Variants in THADA observed in about 807,000 individuals in gnomAD.
THADA encodes THADA armadillo repeat containing.
Under a neutral mutation model 219.8 loss-of-function variants are expected in THADA, and 213 were observed. The ratio of observed to expected loss-of-function variants is 0.97; its 90% confidence interval spans 0.87 to 1.09. The LOEUF is 1.09. Ranked by LOEUF, THADA falls within the 50% of genes least tolerant of loss-of-function variation. The pLI, the probability that THADA is intolerant of heterozygous loss-of-function variation, is 0.00. For missense variants in THADA, 2,956 were observed against 2,311.3 expected, an observed-to-expected ratio of 1.28 and a Z score of -5.72; for synonymous variants, 1,018 against 828.9, an observed-to-expected ratio of 1.23 and a Z score of -3.92.
intron 30 of THADA, among the ~76,000 whole-genome samples, chr2:43,331,630 T>C (rs959856612): frequency 6.6e-6 from 1 of 152,162 alleles, no homozygotes; most frequent in East Asian, 1.9e-4. Flanking sequence ...CACTGGCCCA[T>C]GATACATCAC....
At chr2:43,517,719 C>G (rs1037521694) in intron 22 of THADA, among the ~76,000 whole-genome samples, 7 of 152,122 alleles carry the variant, frequency 4.6e-5, no homozygotes, top group Non-Finnish European at 8.8e-5. Context: ...TTGAAGTTAC[C>G]TACTAGGGTC....
intron 22 of THADA, among the ~76,000 whole-genome samples, chr2:43,510,027 G>C (rs1181078995): frequency 6.6e-6 from 1 of 152,114 alleles, no homozygotes; most frequent in East Asian, 1.9e-4. Flanking sequence ...TGTGAACCTT[G>C]CTTAGATCTT....
intron 30 of THADA, chr2:43,333,345 G>A (rs559185207): frequency 1.3e-5 from 2 of 152,210 alleles, no homozygotes; most frequent in East Asian, 3.9e-4. Context: ...AAATCTGCAT[G>A]AGGCTCATGT....
intron 36 of THADA, among the ~76,000 whole-genome samples, chr2:43,260,292 T>G (rs1456303694): frequency 6.6e-6 from 1 of 152,254 alleles, no homozygotes; most frequent in Non-Finnish European, 1.5e-5. Context: ...GGTGCTGATG[T>G]TCTAATTGGT....
In THADA at chr2:43,230,964, G is replaced by T. The variant is rs779072355; in HGVS notation, c.5846C>A (p.Thr1949Lys). 6 of 1,610,176 alleles carry T rather than the reference G, an allele frequency of 3.7e-6. No individual in the cohort carries two copies. The highest frequency in any genetic ancestry group is 5.1e-6 in the Non-Finnish European group (6 of 1,176,958). The stretch of plus-strand genomic sequence containing the variant: ...AGATTTTCTTCAACATGCCGCTTCT[G>T]TTCTTGGAAGAGTTAACTGCCTCGA... ...AESRQLTLPR[T>K]EAAC is the part of the protein sequence containing the mutation. The change falls in exon 38 of 38, where the codon ACA (threonine) becomes AAA (lysine). Residue 1949 changes from threonine (T) to lysine (K), a missense_variant. Coordinates refer to ENST00000405975, the MANE Select transcript of THADA (RefSeq NM_022065.5).
At chr2:43,476,981 A>G (rs1165756525) in intron 26 of THADA, among the ~76,000 whole-genome samples, 1 of 152,212 alleles carries the variant, frequency 6.6e-6, no homozygotes, top group Non-Finnish European at 1.5e-5. Context: ...ATTCAAATGT[A>G]TTGACTACCT....
At chr2:43,299,165 T>C (rs959965984) in intron 31 of THADA, among the ~76,000 whole-genome samples, 4 of 149,744 alleles carry the variant, frequency 2.7e-5, no homozygotes, top group East Asian at 1.9e-4. Context: ...AGATGTCTCA[T>C]TATATATGCA....
At chr2:43,540,769 T>C (rs964376398) in intron 21 of THADA, among the ~76,000 whole-genome samples, 2 of 152,122 alleles carry the variant, frequency 1.3e-5, no homozygotes, top group African/African-American at 2.4e-5. Flanking sequence ...GTGGGAAACA[T>C]GAGATCCATA....
At chr2:43,439,632 T>A (rs1185317012) in intron 26 of THADA, among the ~76,000 whole-genome samples, 1 of 152,260 alleles carries the variant, frequency 6.6e-6, no homozygotes, top group East Asian at 1.9e-4. Context: ...TTGTTCTATT[T>A]TATTATTAGT....
At chr2:43,479,426 A>G (rs1321991909) in intron 26 of THADA, among the ~76,000 whole-genome samples, 2 of 152,162 alleles carry the variant, frequency 1.3e-5, no homozygotes, top group Non-Finnish European at 2.9e-5. Flanking sequence ...CCTCTCAAAG[A>G]TAAAAACAAA....
intron 30 of THADA, among the ~76,000 whole-genome samples, chr2:43,339,937 AAAAT>A (rs1317790840): frequency 2.0e-5 from 3 of 152,056 alleles, no homozygotes; most frequent in South Asian, 4.1e-4. Context: ...CTAAAACTAA[AAAAT>A]AAATAAATAA....
chr2:43,286,305 T>G (rs1221065099), intron 35 of THADA, among the ~76,000 whole-genome samples: 1 of 152,170 alleles, frequency 6.6e-6, no homozygotes, highest in Non-Finnish European at 1.5e-5. Flanking sequence ...CTAAAGGGTG[T>G]TTAGGCTTTA....
At chr2:43,279,941 C>T (rs1214657124) in intron 35 of THADA, 45 bp from the exon 36 acceptor site, 1 of 1,466,200 alleles carries the variant, frequency 6.8e-7, no homozygotes, top group South Asian at 1.5e-5. Context: ...ATGCAATTAA[C>T]AGGCAGGTGC....
intron 28 of THADA, among the ~76,000 whole-genome samples, chr2:43,408,660 C>T (rs997142814): frequency 1.3e-5 from 2 of 152,220 alleles, no homozygotes; most frequent in African/African-American, 4.8e-5. Flanking sequence ...CAGCAAGTTA[C>T]ATAATGTCCT....
chr2:43,593,508 G>A (rs1294888293), intron 1 of THADA, among the ~76,000 whole-genome samples: 1 of 152,084 alleles, frequency 6.6e-6, no homozygotes, highest in Non-Finnish European at 1.5e-5. Flanking sequence ...ACCTCCTTCA[G>A]AGAACAGCTC....
At chr2:43,408,314 C>T (rs1226685478) in intron 28 of THADA, 1 of 152,168 alleles carries the variant, frequency 6.6e-6, no homozygotes, top group African/African-American at 2.4e-5. Context: ...TTTGTGCTTG[C>T]CTCGGCAGCA....
At chr2:43,474,288 G>C (rs1432332168) in intron 26 of THADA, among the ~76,000 whole-genome samples, 4 of 152,206 alleles carry the variant, frequency 2.6e-5, no homozygotes, top group Non-Finnish European at 5.9e-5. Context: ...TTAAGACTGT[G>C]AGAAAGAGCT....
intron 14 of THADA, 122 bp downstream of exon 14, chr2:43,570,266 T>C: frequency 9.8e-7 from 1 of 1,016,146 alleles, no homozygotes; most frequent in South Asian, 1.8e-5. Context: ...ATACTCAGCT[T>C]GAAGGAAAAA....
At chr2:43,231,426 A>G in intron 37 of THADA, 83 bp from the exon 38 acceptor site, 3 of 1,383,192 alleles carry the variant, frequency 2.2e-6, no homozygotes, top group Non-Finnish European at 2.9e-6. Context: ...ACCCTGCCAG[A>G]TGCAAGAGGG....
Sources: allele counts gnomAD v4.1 joint callset (sites outside exome capture counted in the v4.1 genomes callset), GRCh38; gene constraint gnomAD v4.1.1; transcripts MANE v1.5; gene names NCBI Gene and HGNC (gene_info 2026-07-23, HGNC 2026-07-21).